Variants in F13A1 observed in about 807,000 individuals in gnomAD.
F13A1 encodes FSF, A subunit.
A neutral mutation model predicts 80.1 loss-of-function variants in F13A1; 47 were observed. The ratio of observed to expected loss-of-function variants is 0.59; its 90% confidence interval spans 0.46 to 0.75. The LOEUF (loss-of-function observed/expected upper bound fraction) is 0.75, where lower values mean the gene tolerates loss of function less well. F13A1 is among the 30% of genes least tolerant of loss of function. The pLI, the probability that F13A1 is intolerant of heterozygous loss-of-function variation, is 0.00. For synonymous variants in F13A1, 349 were observed against 344.9 expected (o/e 1.01, Z -0.13); for missense variants, 817 against 930.4 (o/e 0.88, Z 1.59).
At chr6:6,197,615 T>A (rs1399623951) in intron 8 of F13A1, among the ~76,000 whole-genome samples, 1 of 151,782 alleles carries the variant, frequency 6.6e-6, no homozygotes, top group Admixed American at 6.6e-5. Context: ...GATATGGAGG[T>A]TACAGTGAGC....
chr6:6,180,603 T>C (rs967289993), intron 11 of F13A1, among the ~76,000 whole-genome samples: 2 of 152,250 alleles, frequency 1.3e-5, no homozygotes, highest in African/African-American at 4.8e-5. Context: ...TTATTTGCAC[T>C]TATATTGTTT....
intron 3 of F13A1, among the ~76,000 whole-genome samples, chr6:6,272,408 T>C (rs1458423374): frequency 6.6e-6 from 1 of 152,160 alleles, no homozygotes; most frequent in African/African-American, 2.4e-5. Flanking sequence ...CAAGGAGGGT[T>C]GGTATCAGTG....
At chr6:6,152,629 T>C (rs140185185) in intron 13 of F13A1, among the ~76,000 whole-genome samples, 110 of 152,268 alleles carry the variant, frequency 7.2e-4, no homozygotes, top group African/African-American at 2.5e-3. Flanking sequence ...TTATTAACAG[T>C]GGGGACTCAG....
intron 14 of F13A1, among the ~76,000 whole-genome samples, chr6:6,149,648 C>T (rs867613921): frequency 3.9e-5 from 6 of 152,144 alleles, no homozygotes; most frequent in African/African-American, 9.7e-5. Flanking sequence ...CCGAATTGGT[C>T]GGCACCTTGT....
chr6:6,313,193 C>T (rs966691688), intron 2 of F13A1, among the ~76,000 whole-genome samples: 12 of 151,798 alleles, frequency 7.9e-5, no homozygotes, highest in Non-Finnish European at 2.9e-5. Flanking sequence ...ATCATCCAGA[C>T]TCCGTTTGCC....
intron 10 of F13A1, among the ~76,000 whole-genome samples, chr6:6,185,287 C>A (rs531254420): frequency 1.6e-5 from 2 of 127,116 alleles, no homozygotes; most frequent in Non-Finnish European, 3.3e-5. Context: ...CCCCTCCCCC[C>A]ACCCCACAAC....
At chr6:6,261,118 A>T (rs1757774187) in intron 4 of F13A1, among the ~76,000 whole-genome samples, 1 of 151,952 alleles carries the variant, frequency 6.6e-6, no homozygotes, top group South Asian at 2.1e-4. Flanking sequence ...ACAGGCACAC[A>T]CCACCATGCC....
At chr6:6,171,522 T>A (rs1287999817) in intron 12 of F13A1, among the ~76,000 whole-genome samples, 1 of 152,164 alleles carries the variant, frequency 6.6e-6, no homozygotes, top group Non-Finnish European at 1.5e-5. Flanking sequence ...GGACTGGTTC[T>A]CGCTGCTTCC....
chr6:6,271,523 C>T (rs961170172), intron 3 of F13A1, among the ~76,000 whole-genome samples: 1 of 152,144 alleles, frequency 6.6e-6, no homozygotes, highest in Non-Finnish European at 1.5e-5. Context: ...TGTTTTTCTC[C>T]CCCAAATCAT....
Position 6,145,795 on chromosome 6 carries a change from A to C in F13A1, c.2046-23T>G, listed in dbSNP as rs1312525268. 3 of 1,613,984 alleles carry C rather than the reference A, an allele frequency of 1.9e-6. No homozygotes were observed. In the African/African-American group the frequency reaches 4.0e-5, roughly 22 times the overall value. ...TCACTGAAAGGATGGAAAAGAGAGG[A>C]GAGGTTGGAAGATCCAGCTTTCCAC... On this transcript the variant is annotated intron_variant, in intron 14 of 14. Coordinates refer to ENST00000264870, the MANE Select transcript of F13A1 (RefSeq NM_000129.4).
intron 3 of F13A1, among the ~76,000 whole-genome samples, chr6:6,270,662 C>T (rs890426258): frequency 2.0e-5 from 3 of 152,152 alleles, no homozygotes; most frequent in Admixed American, 6.5e-5. Flanking sequence ...GGAGACAGAA[C>T]TGGGGACAGG....
intron 4 of F13A1, among the ~76,000 whole-genome samples, chr6:6,265,094 C>T (rs1023116926): frequency 2.6e-5 from 4 of 152,114 alleles, no homozygotes; most frequent in African/African-American, 9.7e-5. Context: ...CACCACGTCT[C>T]TACAAAAAGT....
intron 2 of F13A1, 93 bp from the exon 3 acceptor site, chr6:6,305,632 G>T: frequency 7.4e-7 from 1 of 1,349,498 alleles, no homozygotes; most frequent in Non-Finnish European, 1.0e-6. Flanking sequence ...CCTGAAGAAG[G>T]CAGGTAGCAA....
chr6:6,152,074 G>T, intron 13 of F13A1, 125 bp from the exon 14 acceptor site: 1 of 1,122,310 alleles, frequency 8.9e-7, no homozygotes, highest in Non-Finnish European at 1.3e-6. Flanking sequence ...TGGAACCAGT[G>T]TGATGAGGAT....
rs139636536 is a variant in F13A1, at chr6:6,195,865, C to T, written c.1237G>A (p.Ala413Thr). The change falls in exon 10 of 15, where the codon GCC (alanine) becomes ACC (threonine). Residue 413 changes from alanine (A) to threonine (T), a missense_variant. By Grantham distance (58) the Ala-to-Thr change is moderately conservative. Transcript: ENST00000264870. ...NSDGMYRCGP[A>T]SVQAIKHGHV... is the part of the protein sequence containing the mutation. ...CCGTGCTTGATGGCTTGAACCGAGG[C>T]GGGGCCACACCGATACATGCCTGCA... 17 of 1,614,108 alleles carry T rather than the reference C, an allele frequency of 1.1e-5. 1 individual carries two copies. The highest frequency in any genetic ancestry group is 4.4e-5 in the South Asian group (4 of 91,068).
At chr6:6,313,410 TAAAG>T (rs562002500) in intron 2 of F13A1, among the ~76,000 whole-genome samples, 22,701 of 98,816 alleles carry the variant, frequency 0.23, 2,090 homozygotes, top group Non-Finnish European at 0.26. Context: ...AATGGACTGT[TAAAG>T]AAAAGAAAAA....
At chr6:6,267,087 C>T (rs1429713604) in intron 3 of F13A1, among the ~76,000 whole-genome samples, 8 of 152,140 alleles carry the variant, frequency 5.3e-5, no homozygotes, top group Non-Finnish European at 1.0e-4. Context: ...TCCCTAATTA[C>T]TAATTTCAAA....
chr6:6,149,518 G>A (rs1760337395), intron 14 of F13A1, among the ~76,000 whole-genome samples: 1 of 152,176 alleles, frequency 6.6e-6, no homozygotes, highest in South Asian at 2.1e-4. Context: ...GGCTCATGAT[G>A]GGATTAGTGC....
rs778389185 is a variant in F13A1, at chr6:6,174,722, C to A, written c.1605G>T (p.Lys535Asn). Residue 535 changes from lysine (K) to asparagine (N), a missense_variant, in exon 12 of 15, where the codon AAG (lysine) becomes AAT (asparagine). Lys to Asn is a moderately conservative substitution (Grantham distance 94, BLOSUM62 0). Transcript: ENST00000264870. ...VENAVLGKDF[K>N]LSITFRNNSH... is the part of the protein sequence containing the mutation. ...TGTTGTTCCGGAAGGTGATGGAGAG[C>A]TTGAAGTCTTTTCCCAGCACAGCAT... 1 of 1,614,130 alleles carries A rather than the reference C, an allele frequency of 6.2e-7. No individual in the cohort carries two copies. Among genetic ancestry groups the A allele is most frequent in the East Asian group, 2.2e-5 (1 of 44,872 alleles).
Sources: allele counts gnomAD v4.1 joint callset (sites outside exome capture counted in the v4.1 genomes callset), GRCh38; gene constraint gnomAD v4.1.1; transcripts MANE v1.5; gene names NCBI Gene and HGNC (gene_info 2026-07-23, HGNC 2026-07-21).